Variants in PRPF18 observed in about 807,000 individuals in gnomAD.
PRPF18 encodes the protein pre-mRNA-splicing factor 18.
In PRPF18, 38 loss-of-function variants were observed where a neutral mutation model predicts 46.5. The ratio of observed to expected loss-of-function variants is 0.82; its 90% confidence interval spans 0.63 to 1.07. The LOEUF is 1.07. Among genes scored for constraint, PRPF18 ranks in the 50% least tolerant of loss-of-function variants. The probability of loss-of-function intolerance (pLI) is 0.00; values close to 1 mark genes in which losing one functional copy is unlikely to be tolerated. For missense variants in PRPF18, 263 were observed against 410.0 expected, an observed-to-expected ratio of 0.64 and a Z score of 3.10; for synonymous variants, 152 against 146.7, an observed-to-expected ratio of 1.04 and a Z score of -0.26.
intron 2 of PRPF18, 41 bp downstream of exon 2, chr10:13,597,576 GTTTAAA>G: frequency 6.3e-7 from 1 of 1,598,256 alleles, no homozygotes; most frequent in Non-Finnish European, 8.6e-7. Flanking sequence ...ACATTTCTGA[GTTTAAA>G]TTTATACAGC....
chr10:13,618,025 C>T (rs1564460359), intron 9 of PRPF18, among the ~76,000 whole-genome samples: 1 of 152,108 alleles, frequency 6.6e-6, no homozygotes, highest in African/African-American at 2.4e-5. Flanking sequence ...ACTCGTGTCT[C>T]TTAGGGTAGA....
At chr10:13,629,533 T>A (rs1211436943) in intron 9 of PRPF18, among the ~76,000 whole-genome samples, 3 of 152,234 alleles carry the variant, frequency 2.0e-5, no homozygotes, top group Non-Finnish European at 4.4e-5. Context: ...ACCATTACCT[T>A]GCACTTAAGT....
At chr10:13,627,568 C>G (rs565976247) in intron 9 of PRPF18, among the ~76,000 whole-genome samples, 1 of 152,182 alleles carries the variant, frequency 6.6e-6, no homozygotes. Flanking sequence ...TGGAAAATAA[C>G]GATATTCTGT....
At chr10:13,646,520 TG>T in the PRPF18 span, 1 of 152,298 alleles carries the variant, frequency 6.6e-6, no homozygotes, top group African/African-American at 2.4e-5. Context: ...GGCCTACGTA[TG>T]GGTGGCAGGC....
chr10:13,625,382 G>T (rs757344622), intron 9 of PRPF18, among the ~76,000 whole-genome samples: 13 of 152,048 alleles, frequency 8.5e-5, no homozygotes, highest in East Asian at 1.9e-4. Context: ...CTATAAAAAA[G>T]TTTGAGAATC....
chr10:13,605,492 G>C, intron 3 of PRPF18, 139 bp from the exon 4 acceptor site: 2 of 833,932 alleles, frequency 2.4e-6, no homozygotes, highest in Non-Finnish European at 3.2e-6. Context: ...TGAGGCAGGA[G>C]AATCGCTTGA....
chr10:13,643,315 G>C, the PRPF18 span: 1 of 152,174 alleles, frequency 6.6e-6, no homozygotes, highest in Non-Finnish European at 1.5e-5. Flanking sequence ...TCCTGCCGTG[G>C]ACTGTCTTGC....
chr10:13,591,007 T>C (rs1044548084), intron 1 of PRPF18, among the ~76,000 whole-genome samples: 8 of 152,226 alleles, frequency 5.3e-5, no homozygotes, highest in African/African-American at 1.9e-4. Flanking sequence ...AACGGTTAAT[T>C]AGTGCACAAG....
downstream of PRPF18, chr10:13,631,744 CCCTGCGGCTGTT>C (rs1307229356): frequency 3.3e-5 from 5 of 152,166 alleles, no homozygotes; most frequent in African/African-American, 4.8e-5. Context: ...TGTATCTGAA[CCCTGCGGCTGTT>C]CCTGCTTTCA....
intron 1 of PRPF18, among the ~76,000 whole-genome samples, chr10:13,589,500 T>G (rs1294082160): frequency 2.0e-5 from 3 of 152,236 alleles, no homozygotes; most frequent in Non-Finnish European, 4.4e-5. Flanking sequence ...TTAGAGAAAC[T>G]GGCTCCCTCT....
chr10:13,619,515 C>T (rs74893430), intron 9 of PRPF18, among the ~76,000 whole-genome samples: 5,622 of 152,272 alleles, frequency 0.037, 315 homozygotes, highest in African/African-American at 0.12. Flanking sequence ...TCATTCTTTT[C>T]TGCCATTTTC....
At chr10:13,601,508 G>C (rs781499994) in intron 3 of PRPF18, among the ~76,000 whole-genome samples, 1 of 152,094 alleles carries the variant, frequency 6.6e-6, no homozygotes, top group African/African-American at 2.4e-5. Context: ...CCTGTGCCCC[G>C]ATCAGTCCTC....
the PRPF18 span, among the ~76,000 whole-genome samples, chr10:13,650,741 C>G: frequency 2.0e-4 from 31 of 152,294 alleles, no homozygotes; most frequent in African/African-American, 7.0e-4. Context: ...AGTTTTTTCT[C>G]TACAGGAAAC....
At chr10:13,654,317 C>T in the PRPF18 span, 1 of 840,656 alleles carries the variant, frequency 1.2e-6, no homozygotes, top group East Asian at 2.4e-5. Context: ...GATGAACCCT[C>T]ATCATCCATT....
chr10:13,604,649 C>T (rs1395707557), intron 3 of PRPF18, among the ~76,000 whole-genome samples: 3 of 152,178 alleles, frequency 2.0e-5, no homozygotes, highest in African/African-American at 7.2e-5. Flanking sequence ...TCCCTCCCAT[C>T]TTAGTGTTTT....
Position 13,610,313 on chromosome 10 carries a change from T to C in PRPF18, c.510+128T>C, listed in dbSNP as rs1190584554. The C allele has an allele frequency of 3.8e-6, 4 of 1,060,234 alleles. No homozygotes were observed. In the Admixed American group the frequency reaches 8.4e-5, roughly 22 times the overall value. 65.7% of individuals were successfully genotyped at this position (1,060,234 alleles called of 1,614,324 possible). A position where few individuals can be genotyped will look rare whatever the true frequency, so the allele number is the denominator to read the frequency against. On this transcript the variant is annotated intron_variant, in intron 5 of 9. Transcript: ENST00000378572. ...CCTTGGTCTTTTGTTTATTTACTCCTCGCTTTTATTTATTTACTCCCCTTT... is the reference window on the plus strand; with the variant it reads ...CCTTGGTCTTTTGTTTATTTACTCCCCGCTTTTATTTATTTACTCCCCTTT...
intron 3 of PRPF18, among the ~76,000 whole-genome samples, chr10:13,603,377 A>G (rs1303529200): frequency 6.6e-6 from 1 of 152,200 alleles, no homozygotes; most frequent in Non-Finnish European, 1.5e-5. Flanking sequence ...GCACTAAAAG[A>G]AATTTCGAAG....
In PRPF18 at chr10:13,613,795, C is replaced by T. The variant is rs531649538; in HGVS notation, c.634C>T (p.Arg212Cys). 7.4e-6 allele frequency: 12 copies of T among 1,614,020 alleles called. No homozygotes were observed. The highest frequency in any genetic ancestry group is 5.3e-5 in the African/African-American group (4 of 75,048). The change falls in exon 7 of 10, where the codon CGC (arginine) becomes TGC (cysteine). Residue 212 changes from arginine (R) to cysteine (C), a missense_variant. Arg to Cys is a radical substitution (Grantham distance 180). Around this residue, in one of 4 missense-constraint regions of PRPF18, gnomAD observed 155 missense variants for 245.1 expected, o/e 0.63. Coordinates refer to ENST00000378572, the MANE Select transcript of PRPF18 (RefSeq NM_003675.4). ...ELNAREDYVK[R>C]SVQGKLNSAT... ...GAATGCCAGAGAAGATTATGTGAAA[C>T]GCAGTGTGCAGGGTAAACTGAACAG...
the PRPF18 span, chr10:13,651,773 C>CATGTATCTAGAA: frequency 1.5e-6 from 1 of 656,024 alleles, no homozygotes; most frequent in Non-Finnish European, 2.8e-6. Context: ...TCCAGTTCCC[C>CATGTATCTAGAA]ATGTATCTAG....
Sources: gnomAD v4.1 joint callset for allele counts (sites outside exome capture counted in the v4.1 genomes callset) on GRCh38, gnomAD v4.1.1 for gene constraint, gnomAD v4.1.1 regional missense constraint, MANE v1.5 for transcripts, NCBI Gene and HGNC (gene_info 2026-07-23, HGNC 2026-07-21) for gene names.